The following CCDC171 variants were observed in gnomAD, a reference collection of about 807,000 sequenced individuals.
CCDC171 encodes the protein coiled-coil domain-containing protein 171.
A neutral mutation model predicts 168.2 loss-of-function variants in CCDC171; 177 were observed. The observed-to-expected ratio is 1.05, with a 90% CI of 0.93 to 1.19. CCDC171 has a LOEUF of 1.19. Ranked by LOEUF, CCDC171 falls within the 50% of genes most tolerant of loss-of-function variation. CCDC171 has a pLI of 0.00. For missense variants in CCDC171, 1,991 were observed against 1,539.0 expected, an observed-to-expected ratio of 1.29 and a Z score of -4.91; for synonymous variants, 687 against 540.8, an observed-to-expected ratio of 1.27 and a Z score of -3.75.
chr9:15,739,776 C>T (rs1465300443), intron 16 of CCDC171, among the ~76,000 whole-genome samples: 2 of 148,812 alleles, frequency 1.3e-5, no homozygotes, highest in African/African-American at 2.5e-5. Context: ...CTCACTCTGT[C>T]GCCCAAGCTG....
chr9:15,623,459 ACATATGCGCG>A (rs1321040549), intron 7 of CCDC171, 46 bp downstream of exon 7: 1 of 784,876 alleles, frequency 1.3e-6, no homozygotes. Flanking sequence ...ACAAACTTTC[ACATATGCGCG>A]CGCGCGCACA....
intron 10 of CCDC171, among the ~76,000 whole-genome samples, chr9:15,682,551 G>A (rs1251938657): frequency 1.3e-5 from 2 of 151,834 alleles, no homozygotes; most frequent in Admixed American, 1.3e-4. Context: ...GTGATCAGAT[G>A]TGGGTAATTA....
chr9:15,800,744 A>AAAACT (rs1164147496), intron 21 of CCDC171, among the ~76,000 whole-genome samples: 1 of 152,082 alleles, frequency 6.6e-6, no homozygotes, highest in Non-Finnish European at 1.5e-5. Flanking sequence ...TTATAGTTTG[A>AAAACT]GCTGTTAGAT....
At chr9:15,827,092 A>T (rs1255645134) in intron 21 of CCDC171, among the ~76,000 whole-genome samples, 2 of 152,180 alleles carry the variant, frequency 1.3e-5, no homozygotes, top group Non-Finnish European at 2.9e-5. Context: ...GCAACCCTCA[A>T]ATGAATATGC....
intron 6 of CCDC171, among the ~76,000 whole-genome samples, chr9:15,603,969 A>T (rs1346033200): frequency 6.6e-6 from 1 of 151,820 alleles, no homozygotes; most frequent in Non-Finnish European, 1.5e-5. Flanking sequence ...ATGGTATCTC[A>T]TTGTGATTTT....
intron 6 of CCDC171, among the ~76,000 whole-genome samples, chr9:15,600,550 A>G (rs453991): frequency 0.93 from 141,619 of 152,238 alleles, 66,050 homozygotes; most frequent in African/African-American, 0.98. Flanking sequence ...GCCCCTACTC[A>G]GGGGTGCCTC....
chr9:15,772,591 A>G (rs1307322296), intron 18 of CCDC171, among the ~76,000 whole-genome samples: 1 of 152,220 alleles, frequency 6.6e-6, no homozygotes, highest in Non-Finnish European at 1.5e-5. Context: ...AAAGTTGCAT[A>G]TAAATAGTGA....
rs1215136193 is a variant in CCDC171, at chr9:15,652,203, TA to T, written c.823-4923del. The stretch of plus-strand genomic sequence containing the variant: ...TTAGGTCATTGATCCATTTAGAATT[TA>T]TTTTTTTATATGATATGAGGTATGG... On this transcript the variant is annotated intron_variant, in intron 7 of 25. Transcript: ENST00000380701. 4.6e-5 allele frequency among the ~76,000 whole-genome samples: 7 copies of T among 152,332 alleles called. No homozygotes were observed. The South Asian group carries it at 8.3e-4, about 18-fold the overall frequency.
chr9:15,734,008 C>G (rs918059771), intron 16 of CCDC171, among the ~76,000 whole-genome samples: 1 of 152,120 alleles, frequency 6.6e-6, no homozygotes, highest in Non-Finnish European at 1.5e-5. Context: ...CTCCTGGCCT[C>G]AAGTGATCCT....
chr9:15,920,394 G>C lies in CCDC171; in HGVS notation c.3725G>C (p.Cys1242Ser). The C allele has an allele frequency of 2.5e-6, 4 of 1,607,142 alleles. No homozygotes were observed. Among genetic ancestry groups the C allele is most frequent in the Non-Finnish European group, 3.4e-6 (4 of 1,175,896 alleles). ...AALKSELHTA[C>S]LRENASLQSI... ...TTGAAATCAGAACTTCACACAGCTT[G>C]TTTACGTGAAAATGCAAGTTTACAA... The change falls in exon 25 of 26, where the codon TGT becomes TCT. Residue 1242 changes from cysteine (C) to serine (S), a missense_variant. Coordinates refer to ENST00000380701, the MANE Select transcript of CCDC171 (RefSeq NM_173550.4).
At chr9:15,907,812 GA>G (rs1276666966) in intron 24 of CCDC171, among the ~76,000 whole-genome samples, 1 of 152,028 alleles carries the variant, frequency 6.6e-6, no homozygotes, top group Non-Finnish European at 1.5e-5. Flanking sequence ...AAATTTATAA[GA>G]AAAAAACAAC....
chr9:15,635,876 T>C (rs1434774965), intron 7 of CCDC171, among the ~76,000 whole-genome samples: 2 of 152,206 alleles, frequency 1.3e-5, no homozygotes, highest in Non-Finnish European at 2.9e-5. Context: ...GTTTGTTTTG[T>C]ACAGTGGCAG....
At chr9:15,767,926 GGTTTCTCCAT>G (rs1236833803) in intron 18 of CCDC171, among the ~76,000 whole-genome samples, 2 of 145,496 alleles carry the variant, frequency 1.4e-5, no homozygotes, top group Non-Finnish European at 3.0e-5. Context: ...GTAGAGAAGG[GGTTTCTCCAT>G]GTTGTCCAGG....
At chr9:15,642,098 T>G in intron 7 of CCDC171, among the ~76,000 whole-genome samples, 1 of 151,888 alleles carries the variant, frequency 6.6e-6, no homozygotes, top group East Asian at 1.9e-4. Flanking sequence ...CAGGAGGTGG[T>G]TGCAGTGAGC....
intron 23 of CCDC171, among the ~76,000 whole-genome samples, chr9:15,871,208 CAG>C (rs1211892501): frequency 6.6e-6 from 1 of 151,464 alleles, no homozygotes; most frequent in East Asian, 1.9e-4. Context: ...CATTTGATAA[CAG>C]ATTTATATTG....
At chr9:15,586,874 C>T (rs969049620) in intron 4 of CCDC171, among the ~76,000 whole-genome samples, 8 of 152,104 alleles carry the variant, frequency 5.3e-5, no homozygotes, top group African/African-American at 1.9e-4. Flanking sequence ...GTGGTGTGGT[C>T]ATAGCTCAGT....
intron 3 of CCDC171, among the ~76,000 whole-genome samples, chr9:15,999,894 C>G (rs905817996): frequency 2.6e-5 from 4 of 152,024 alleles, no homozygotes; most frequent in African/African-American, 7.2e-5. Flanking sequence ...AACTCAGGCT[C>G]TTTTCTCAGG....
chr9:15,819,985 A>T (rs1391991646), intron 21 of CCDC171, among the ~76,000 whole-genome samples: 1 of 116,946 alleles, frequency 8.6e-6, no homozygotes. Flanking sequence ...ATTATAACAA[A>T]CTGTGTCTCA....
rs545610617 is a variant in CCDC171, at chr9:15,635,644, A to C, written c.822+12231A>C. ...TTCCTTTGGTAACACCCTCACAGAC[A>C]CACCTAGGAACATTACATCCTTTAA... On this transcript the variant is annotated intron_variant, in intron 7 of 25. Coordinates refer to ENST00000380701, the MANE Select transcript of CCDC171 (RefSeq NM_173550.4). Among the ~76,000 whole-genome samples, 23 of 152,284 alleles carry C rather than the reference A, an allele frequency of 1.5e-4. No homozygotes were observed. In the East Asian group the frequency reaches 3.1e-3, roughly 20 times the overall value.
Sources: gnomAD v4.1 joint callset for allele counts (sites outside exome capture counted in the v4.1 genomes callset) on GRCh38, gnomAD v4.1.1 for gene constraint, MANE v1.5 for transcripts, NCBI Gene and HGNC (gene_info 2026-07-23, HGNC 2026-07-21) for gene names.